The following ZCRB1 variants were observed in gnomAD, a reference collection of about 807,000 sequenced individuals.
ZCRB1 encodes the protein zinc finger CCHC-type and RNA binding motif containing 1.
A neutral mutation model predicts 29.9 loss-of-function variants in ZCRB1; 21 were observed. The ratio of observed to expected loss-of-function variants is 0.70; its 90% CI spans 0.50 to 1.01. The LOEUF is 1.01. Ranked by LOEUF, ZCRB1 falls within the 50% of genes least tolerant of loss-of-function variation. The pLI is 0.00. For synonymous variants in ZCRB1, 77 were observed against 80.0 expected, an observed-to-expected ratio of 0.96 and a Z score of 0.20; for missense variants, 204 against 253.3, an observed-to-expected ratio of 0.81 and a Z score of 1.32.
At chr12:42,320,981 G>C (rs1433638022) in intron 3 of ZCRB1, among the ~76,000 whole-genome samples, 3 of 152,076 alleles carry the variant, frequency 2.0e-5, no homozygotes, top group Non-Finnish European at 4.4e-5. Flanking sequence ...CAGTCACATT[G>C]GCCTTCTTTC....
At chr12:42,316,021 C>T (rs1010227738) in intron 5 of ZCRB1, among the ~76,000 whole-genome samples, 15 of 152,116 alleles carry the variant, frequency 9.9e-5, no homozygotes, top group Middle Eastern at 3.2e-3. Flanking sequence ...GTAGCCAGGA[C>T]GGTATCTTTC....
chr12:42,325,018 G>A (rs1207434482), intron 1 of ZCRB1, among the ~76,000 whole-genome samples: 1 of 152,158 alleles, frequency 6.6e-6, no homozygotes, highest in East Asian at 1.9e-4. Context: ...AAACCTAGAT[G>A]GTCTAGCCTA....
chr12:42,322,526 A>AT, intron 2 of ZCRB1, 80 bp from the exon 3 acceptor site: 1 of 1,320,380 alleles, frequency 7.6e-7, no homozygotes, highest in African/African-American at 1.5e-5. Context: ...CATTGACCAA[A>AT]TTCTTTGTTA....
At chr12:42,324,803 A>G (rs2068664639) in intron 1 of ZCRB1, among the ~76,000 whole-genome samples, 1 of 152,238 alleles carries the variant, frequency 6.6e-6, no homozygotes, top group Non-Finnish European at 1.5e-5. Flanking sequence ...TCAGACCATG[A>G]GCAAAAAAAA....
intron 3 of ZCRB1, 126 bp from the exon 4 acceptor site, chr12:42,318,024 CT>C: frequency 1.4e-6 from 1 of 711,618 alleles, no homozygotes; most frequent in Non-Finnish European, 2.3e-6. Flanking sequence ...GAAAAATCAG[CT>C]ATCTCTTCAA....
chr12:42,322,448 T>C lies in ZCRB1; in HGVS notation c.85-2A>G. ...AACTTTGCCATACTTGGAAAATATC[T>C]GAAACAAAAGACCAAATATTTACAA... On this transcript the variant is annotated splice_acceptor_variant, in intron 2 of 7. Coordinates refer to ENST00000266529, the MANE Select transcript of ZCRB1 (RefSeq NM_033114.4). LOFTEE classifies it high-confidence loss of function. 6.7e-7 allele frequency: 1 copy of C among 1,491,866 alleles called. No individual in the cohort carries two copies. Among genetic ancestry groups the C allele is most frequent in the Non-Finnish European group, 9.0e-7 (1 of 1,105,532 alleles). The allele number at this position is 1,491,866 out of a possible 1,614,324, so 92.4% of individuals were successfully genotyped here.
Position 42,317,342 on chromosome 12 carries a change from CA to C in ZCRB1, c.330del (p.Cys110TrpfsTer7). 1 of 1,603,334 alleles carries C rather than the reference CA, an allele frequency of 6.2e-7. No individual in the cohort carries two copies. The highest frequency in any genetic ancestry group is 8.5e-7 in the Non-Finnish European group (1 of 1,175,548). On this transcript the variant is annotated frameshift_variant, in exon 5 of 8. Coordinates refer to ENST00000266529, the MANE Select transcript of ZCRB1 (RefSeq NM_033114.4). LOFTEE classifies it high-confidence loss of function. The stretch of plus-strand genomic sequence containing the variant: ...CATTAAGTTTTAGGTTTACTTACCC[CA>C]CATTCATAACACTTAGATTTATCAA... ...NYFDKSKCYECGESGHLSYAC... is the reference protein window; with the variant it reads ...NYFDKSKCYEXGESGHLSYAC...
chr12:42,319,059 T>C (rs1205297377), intron 3 of ZCRB1, among the ~76,000 whole-genome samples: 1 of 152,134 alleles, frequency 6.6e-6, no homozygotes, highest in African/African-American at 2.4e-5. Flanking sequence ...TTGACAGAAA[T>C]ATTGAATAAG....
Position 42,313,937 on chromosome 12 carries a change from C to T in ZCRB1, c.383G>A (p.Arg128His), listed in dbSNP as rs762410300. Residue 128 changes from arginine to histidine, a missense_variant, in exon 6 of 8, where the codon CGT (arginine) becomes CAT (histidine). Transcript: ENST00000266529. ...YACPKNMLGE[R>H]EPPKKKEKKK... Reference sequence around the variant, plus strand: ...TTTTTCTTTCTTCTTTGGAGGCTCACGTTCTCCGAGCATATTTTTCGGACA... The same window carrying T: ...TTTTTCTTTCTTCTTTGGAGGCTCATGTTCTCCGAGCATATTTTTCGGACA... The T allele has an allele frequency of 8.7e-6, 14 of 1,604,360 alleles. No homozygotes were observed. Among genetic ancestry groups the T allele is most frequent in the African/African-American group, 4.1e-5 (3 of 73,868 alleles).
intron 3 of ZCRB1, among the ~76,000 whole-genome samples, chr12:42,321,815 T>C (rs2068623016): frequency 6.6e-6 from 1 of 152,134 alleles, no homozygotes; most frequent in Admixed American, 6.6e-5. Context: ...TGCCCCATAA[T>C]ATAGTTGCTT....
chr12:42,319,864 T>C (rs2068612703), intron 3 of ZCRB1, among the ~76,000 whole-genome samples: 1 of 152,184 alleles, frequency 6.6e-6, no homozygotes, highest in African/African-American at 2.4e-5. Flanking sequence ...AAAGAGTACA[T>C]TGTGTGTGTT....
intron 5 of ZCRB1, among the ~76,000 whole-genome samples, chr12:42,316,521 A>G (rs774429779): frequency 1.1e-4 from 16 of 152,214 alleles, no homozygotes; most frequent in Non-Finnish European, 1.6e-4. Context: ...CTCTCTCTTC[A>G]TCACCAAAAC....
intron 5 of ZCRB1, among the ~76,000 whole-genome samples, chr12:42,317,024 T>C (rs147684842): frequency 1.2e-3 from 189 of 152,058 alleles, no homozygotes; most frequent in African/African-American, 3.3e-3. Flanking sequence ...CTGGGCAACA[T>C]AGGAAGACCC....
chr12:42,318,753 C>T (rs1032451894), intron 3 of ZCRB1, among the ~76,000 whole-genome samples: 7 of 151,746 alleles, frequency 4.6e-5, no homozygotes, highest in African/African-American at 7.3e-5. Context: ...AGTGCGTGAG[C>T]GAGTGAGAGA....
chr12:42,314,368 T>C (rs1474667191), intron 5 of ZCRB1, among the ~76,000 whole-genome samples: 3 of 87,614 alleles, frequency 3.4e-5, no homozygotes, highest in African/African-American at 1.3e-4. Flanking sequence ...GAGACCAGAC[T>C]AACCAAAATG....
At chr12:42,325,108 CA>C (rs1186430576) in intron 1 of ZCRB1, among the ~76,000 whole-genome samples, 1 of 152,182 alleles carries the variant, frequency 6.6e-6, no homozygotes, top group African/African-American at 2.4e-5. Context: ...TAAATATTTA[CA>C]TAGCTAAACA....
chr12:42,317,851 G>A lies in ZCRB1; in HGVS notation c.161C>T (p.Ala54Val). The A allele has an allele frequency of 1.9e-6, 3 of 1,613,820 alleles. No homozygotes were observed. The highest frequency in any genetic ancestry group is 2.5e-6 in the Non-Finnish European group (3 of 1,179,874). ...GTCTTTATCCAAAAATAAAATAAAT[G>A]CAACCCCTTTACTCTTCCTGGTATC... ...DKDTRKSKGVAFILFLDKDSA... is the reference protein window; with the variant it reads ...DKDTRKSKGVVFILFLDKDSA... Residue 54 changes from alanine (A) to valine (V), a missense_variant, in exon 4 of 8, where the codon GCA becomes GTA. Ala to Val is a moderately conservative substitution (Grantham distance 64). Coordinates refer to ENST00000266529, the MANE Select transcript of ZCRB1 (RefSeq NM_033114.4).
intron 2 of ZCRB1, 156 bp downstream of exon 2, chr12:42,323,863 T>G (rs775128823): frequency 3.1e-6 from 2 of 640,970 alleles, no homozygotes; most frequent in Admixed American, 5.6e-5. Context: ...TGAGCCATGA[T>G]AGTGCCACTG....
At chr12:42,321,650 G>C (rs1298575814) in intron 3 of ZCRB1, among the ~76,000 whole-genome samples, 2 of 152,132 alleles carry the variant, frequency 1.3e-5, no homozygotes, top group African/African-American at 4.8e-5. Context: ...GTAATTTCAA[G>C]ATGCAAAAGA....
Sources: gnomAD v4.1 joint callset for allele counts (sites outside exome capture counted in the v4.1 genomes callset) on GRCh38, gnomAD v4.1.1 for gene constraint, MANE v1.5 for transcripts, NCBI Gene and HGNC (gene_info 2026-07-23, HGNC 2026-07-21) for gene names.